HDAC9: variants seen among roughly 807,000 people sequenced by gnomAD.
HDAC9 encodes the protein histone deacetylase 9.
In HDAC9, 41 loss-of-function variants were observed where a neutral mutation model predicts 139.4. The ratio of observed to expected loss-of-function variants is 0.29; its 90% confidence interval spans 0.23 to 0.38. The LOEUF (loss-of-function observed/expected upper bound fraction) is 0.38, where lower values mean the gene tolerates loss of function less well. Ranked by LOEUF, HDAC9 falls within the 10% of genes least tolerant of loss-of-function variation. The probability of loss-of-function intolerance (pLI) is 1.00; values close to 1 mark genes in which losing one functional copy is unlikely to be tolerated. For missense variants in HDAC9, 1,147 were observed against 1,297.0 expected (o/e 0.88, Z 1.78); for synonymous variants, 517 against 476.2 (o/e 1.09, Z -1.12).
At chr7:18,941,216 A>C (rs1299720857) in intron 23 of HDAC9, among the ~76,000 whole-genome samples, 6 of 131,176 alleles carry the variant, frequency 4.6e-5, no homozygotes, top group Admixed American at 1.6e-4. Context: ...TCACTTCCTC[A>C]CTCCCTTCAA....
intron 1 of HDAC9, among the ~76,000 whole-genome samples, chr7:18,096,921 G>A (rs1384256085): frequency 1.4e-5 from 2 of 147,654 alleles, no homozygotes; most frequent in African/African-American, 2.5e-5. Context: ...GTGTGTGTGT[G>A]TATTCGTACT....
intron 6 of HDAC9, among the ~76,000 whole-genome samples, chr7:18,614,523 C>G (rs1584135567): frequency 6.6e-6 from 1 of 151,988 alleles, no homozygotes; most frequent in African/African-American, 2.4e-5. Flanking sequence ...TCCATAATGC[C>G]TAGTGTAAAC....
chr7:18,645,881 T>C (rs1026210277), intron 9 of HDAC9, among the ~76,000 whole-genome samples: 3 of 152,108 alleles, frequency 2.0e-5, no homozygotes, highest in Non-Finnish European at 4.4e-5. Context: ...TAAGAGATAT[T>C]ATATCTGGTA....
At chr7:18,218,067 T>C (rs1038101146) in intron 2 of HDAC9, among the ~76,000 whole-genome samples, 3 of 152,186 alleles carry the variant, frequency 2.0e-5, no homozygotes, top group African/African-American at 7.2e-5. Flanking sequence ...TTTTTTGCCA[T>C]GTGGGCCACT....
intron 2 of HDAC9, among the ~76,000 whole-genome samples, chr7:18,171,929 G>C (rs536865388): frequency 6.6e-6 from 1 of 152,294 alleles, no homozygotes; most frequent in South Asian, 2.1e-4. Context: ...TCTCTGACAG[G>C]CTTTGGTATC....
chr7:18,596,701 G>A (rs1260070356), intron 6 of HDAC9, among the ~76,000 whole-genome samples: 2 of 152,008 alleles, frequency 1.3e-5, no homozygotes, highest in African/African-American at 4.8e-5. Context: ...GTAGAGTGAC[G>A]CTTTGTTATT....
chr7:18,438,678 CATT>C (rs1791458049), intron 1 of HDAC9, among the ~76,000 whole-genome samples: 6 of 148,926 alleles, frequency 4.0e-5, no homozygotes, highest in Admixed American at 6.7e-5. Context: ...GTGTGTGTAA[CATT>C]ATATAATGTG....
rs1787426798 is a variant in HDAC9 at position 18,741,289 on chromosome 7, G to T, written c.1910-7716G>T. On this transcript the variant is annotated intron_variant, in intron 13 of 25. Coordinates refer to ENST00000686413, the MANE Select transcript of HDAC9 (RefSeq NM_178425.4). ...AAAGAATAAGCTGACTCTCTTGTTA[G>T]AGGCTAATGCAGCTAGTGGCTTTAA... Among the ~76,000 whole-genome samples the T allele has an allele frequency of 1.3e-5, 2 of 152,180 alleles. 1 individual carries two copies. The highest frequency in any genetic ancestry group is 4.1e-4 in the South Asian group (2 of 4,828).
At chr7:18,625,422 G>A (rs890371880) in intron 6 of HDAC9, among the ~76,000 whole-genome samples, 1 of 152,126 alleles carries the variant, frequency 6.6e-6, no homozygotes, top group Non-Finnish European at 1.5e-5. Flanking sequence ...TAACATTTGG[G>A]TAAAGATAAT....
At chr7:18,510,373 T>C (rs1801126518) in intron 2 of HDAC9, among the ~76,000 whole-genome samples, 1 of 152,184 alleles carries the variant, frequency 6.6e-6, no homozygotes, top group Non-Finnish European at 1.5e-5. Flanking sequence ...TGCATACTTT[T>C]TTTAATCCAA....
chr7:18,995,330 A>G (rs1786377166), intron 25 of HDAC9, among the ~76,000 whole-genome samples: 1 of 152,224 alleles, frequency 6.6e-6, no homozygotes, highest in Non-Finnish European at 1.5e-5. Flanking sequence ...TGAGTAAATT[A>G]AAAGTCATTC....
chr7:18,212,455 T>G (rs1792012878), intron 2 of HDAC9, among the ~76,000 whole-genome samples: 1 of 152,144 alleles, frequency 6.6e-6, no homozygotes, highest in African/African-American at 2.4e-5. Context: ...AAAATACGGG[T>G]GTGAATTCTT....
intron 25 of HDAC9, among the ~76,000 whole-genome samples, chr7:18,994,467 T>C (rs1786292244): frequency 6.6e-6 from 1 of 152,172 alleles, no homozygotes; most frequent in African/African-American, 2.4e-5. Flanking sequence ...CTCTAAACTC[T>C]CTCTCACAAC....
At chr7:18,950,816 A>C (rs1404575269) in intron 23 of HDAC9, among the ~76,000 whole-genome samples, 1 of 152,032 alleles carries the variant, frequency 6.6e-6, no homozygotes, top group East Asian at 1.9e-4. Flanking sequence ...CAGAGGAAAC[A>C]GAATAGATAA....
intron 2 of HDAC9, among the ~76,000 whole-genome samples, chr7:18,184,045 T>C (rs1346241117): frequency 6.6e-6 from 1 of 152,206 alleles, no homozygotes; most frequent in Non-Finnish European, 1.5e-5. Context: ...TCTGACATGC[T>C]TGGGACCAGA....
intron 1 of HDAC9, among the ~76,000 whole-genome samples, chr7:18,137,628 A>G (rs1785526858): frequency 6.7e-6 from 1 of 150,244 alleles, no homozygotes; most frequent in Non-Finnish European, 1.5e-5. Flanking sequence ...CGTATATTGA[A>G]CCAGCCTTGC....
chr7:18,342,121 A>T (rs1174251732), intron 1 of HDAC9, among the ~76,000 whole-genome samples: 1 of 151,818 alleles, frequency 6.6e-6, no homozygotes, highest in East Asian at 1.9e-4. Flanking sequence ...ACACATGTAC[A>T]GGTCAGTACC....
intron 1 of HDAC9, among the ~76,000 whole-genome samples, chr7:18,420,838 C>G (rs1789552907): frequency 6.6e-6 from 1 of 152,156 alleles, no homozygotes; most frequent in Non-Finnish European, 1.5e-5. Flanking sequence ...TGCTTGGACA[C>G]CTGCTTTAGA....
At chr7:18,943,200 C>A (rs1475984793) in intron 23 of HDAC9, among the ~76,000 whole-genome samples, 1 of 151,954 alleles carries the variant, frequency 6.6e-6, no homozygotes, top group Non-Finnish European at 1.5e-5. Context: ...CACATACAGC[C>A]CTGAACGAAC....
Sources: allele counts gnomAD v4.1 joint callset (sites outside exome capture counted in the v4.1 genomes callset), GRCh38; gene constraint gnomAD v4.1.1; transcripts MANE v1.5; gene names NCBI Gene and HGNC (gene_info 2026-07-23, HGNC 2026-07-21).